PLEKHJ1: variants seen among roughly 807,000 people sequenced by gnomAD.
The protein encoded by PLEKHJ1 is pleckstrin homology domain-containing family J member 1.
A neutral mutation model predicts 21.7 loss-of-function variants in PLEKHJ1; 20 were observed. The ratio of observed to expected loss-of-function variants is 0.92; its 90% CI spans 0.65 to 1.34. PLEKHJ1 has a LOEUF of 1.34. Ranked by LOEUF, PLEKHJ1 falls within the 40% of genes most tolerant of loss-of-function variation. The pLI is 0.00. For missense variants in PLEKHJ1, 241 were observed against 202.0 expected (o/e 1.19, Z -1.17); for synonymous variants, 113 against 80.6 (o/e 1.40, Z -2.15).
chr19:2,236,236 C>T lies in PLEKHJ1; in HGVS notation c.13G>A (p.Glu5Lys), dbSNP rs942544836. The change falls in exon 1 of 6, where the codon GAG becomes AAG. Residue 5 changes from glutamate to lysine, a missense_variant. Transcript: ENST00000326631. MRYN[E>K]KELQALSRQP... ...CGGGACAGAGCCTGCAGCTCCTTCT[C>T]GTTGTACCGCATGGCTCCGCGGGGA... is the stretch of plus-strand genomic sequence containing the variant. The T allele has an allele frequency of 2.8e-6, 4 of 1,440,344 alleles. No individual in the cohort carries two copies. The highest frequency in any genetic ancestry group is 3.6e-6 in the Non-Finnish European group (4 of 1,101,212). 89.2% of individuals were successfully genotyped at this position (1,440,344 alleles called of 1,614,324 possible).
Position 2,235,822 on chromosome 19 carries a change from C to T in PLEKHJ1, c.169G>A (p.Gly57Arg). ...CTGCAGCGCTCCAGCAGCAGGGCTCCGACGGGCTGGAGGAGACACGGGCGC... is the reference window on the plus strand; with the variant it reads ...CTGCAGCGCTCCAGCAGCAGGGCTCTGACGGGCTGGAGGAGACACGGGCGC... ...YFRTDEAEPVGALLLERCRVV... is the reference protein window; with the variant it reads ...YFRTDEAEPVRALLLERCRVV... The change falls in exon 3 of 6, where the codon GGA becomes AGA. Residue 57 changes from glycine (G) to arginine (R), a missense_variant. Transcript: ENST00000326631. 1 of 1,554,976 alleles carries T rather than the reference C, an allele frequency of 6.4e-7. No individual in the cohort carries two copies. Among genetic ancestry groups the T allele is most frequent in the Non-Finnish European group, 8.7e-7 (1 of 1,149,720 alleles).
downstream of PLEKHJ1, chr19:2,230,913 C>T: frequency 3.4e-6 from 1 of 289,974 alleles, no homozygotes; most frequent in African/African-American, 2.1e-5. Context: ...TCCCTTGGAG[C>T]CTGTGCTGGT....
At chr19:2,229,991 A>G (rs1170412875), downstream of PLEKHJ1, 5 of 777,400 alleles carry the variant, frequency 6.4e-6, no homozygotes, top group Non-Finnish European at 1.0e-5. Context: ...GTTTTAGATA[A>G]AGTATTTATC....
At chr19:2,236,111 C>A in intron 1 of PLEKHJ1, 44 bp downstream of exon 1, 1 of 1,415,846 alleles carries the variant, frequency 7.1e-7, no homozygotes. Flanking sequence ...CCGGCCCCGG[C>A]CTCCCGCCCC....
chr19:2,230,183 C>T (rs921908172), downstream of PLEKHJ1: 170 of 469,002 alleles, frequency 3.6e-4, 1 homozygote, highest in East Asian at 4.4e-4. Flanking sequence ...CCCAGGCCCG[C>T]GCCTGCCTCC....
At position 2,233,988 on chromosome 19, in the gene PLEKHJ1, C is replaced by G. The variant is rs749903995; in HGVS notation, c.384+10G>C. 3.1e-6 allele frequency: 5 copies of G among 1,613,036 alleles called. No individual in the cohort carries two copies. The South Asian group carries it at 5.5e-5, about 18-fold the overall frequency. On this transcript the variant is annotated intron_variant, in intron 5 of 5. Transcript: ENST00000326631. ...AGCCCCACCCCGGCCCTCTGCAGCC[C>G]TGCACACACCTTGCCCGTCACCTTC...
downstream of PLEKHJ1, among the ~76,000 whole-genome samples, chr19:2,232,957 G>A (rs1033752424): frequency 4.1e-4 from 62 of 152,238 alleles, no homozygotes; most frequent in Admixed American, 5.2e-4. Context: ...GGTCACCACA[G>A]GATTCCTGAT....
rs755510810 is a variant in PLEKHJ1 at position 2,233,789 on chromosome 19, C to G, written c.*51G>C. The G allele has an allele frequency of 6.6e-7, 1 of 1,517,282 alleles. No homozygotes were observed. The highest frequency in any genetic ancestry group is 8.9e-7 in the Non-Finnish European group (1 of 1,122,112). 94.0% of individuals were successfully genotyped at this position (1,517,282 alleles called of 1,614,324 possible). A position where few individuals can be genotyped will look rare whatever the true frequency, so the allele number is the denominator to read the frequency against. On this transcript the variant is annotated 3_prime_UTR_variant, in exon 6 of 6. Transcript: ENST00000326631. ...CCAGGCATGGCCAAGCGATTCATGG[C>G]TGGGCAGGGCCAGTCCCGTCCCGCT...
In PLEKHJ1 at chr19:2,233,504, T is replaced by A; in HGVS notation, c.*336A>T. 5.4e-6 allele frequency: 2 copies of A among 369,646 alleles called. No individual in the cohort carries two copies. The highest frequency in any genetic ancestry group is 9.9e-5 in the South Asian group (2 of 20,136). 22.9% of individuals were successfully genotyped at this position (369,646 alleles called of 1,614,324 possible). Reference sequence around the variant, plus strand: ...GAGCGCAGCTTGCTGGGCAGTTTCATAAAATGCAGCCCCTGCCCACACCCA... The same window carrying A: ...GAGCGCAGCTTGCTGGGCAGTTTCAAAAAATGCAGCCCCTGCCCACACCCA... On this transcript the variant is annotated 3_prime_UTR_variant, in exon 6 of 6. Coordinates refer to ENST00000326631, the MANE Select transcript of PLEKHJ1 (RefSeq NM_018049.3).
At chr19:2,231,931 C>T (rs1011737574), downstream of PLEKHJ1, 1 of 216,186 alleles carries the variant, frequency 4.6e-6, no homozygotes, top group African/African-American at 2.3e-5. Flanking sequence ...CTCCTTGAGC[C>T]CACTGGGTCA....
downstream of PLEKHJ1, chr19:2,231,271 C>T (rs961797374): frequency 2.7e-5 from 6 of 224,772 alleles, no homozygotes; most frequent in East Asian, 6.4e-5. Context: ...GAGATGGCAT[C>T]GGGGAGCCCC....
rs2024686613 is a variant in PLEKHJ1, at chr19:2,233,669, G to A, written c.*171C>T. 2 of 618,474 alleles carry A rather than the reference G, an allele frequency of 3.2e-6. No homozygotes were observed. Among genetic ancestry groups the A allele is most frequent in the South Asian group, 4.1e-5 (2 of 48,618 alleles). The allele number at this position is 618,474 out of a possible 1,614,324, so 38.3% of individuals were successfully genotyped here. On this transcript the variant is annotated 3_prime_UTR_variant, in exon 6 of 6. Coordinates refer to ENST00000326631, the MANE Select transcript of PLEKHJ1 (RefSeq NM_018049.3). ...CAGGAGGATCACTTGAGTCCAGAAGGTCAAGGTCACAGTGAGCTGTGGCAC... is the reference window on the plus strand; with the variant it reads ...CAGGAGGATCACTTGAGTCCAGAAGATCAAGGTCACAGTGAGCTGTGGCAC...
chr19:2,230,130 C>T (rs2024534588), downstream of PLEKHJ1: 3 of 514,490 alleles, frequency 5.8e-6, no homozygotes, highest in South Asian at 6.1e-5. Flanking sequence ...CAGGGCGGGC[C>T]CGCCAGCGGA....
At chr19:2,234,482 G>A (rs559274850) in intron 3 of PLEKHJ1, 2 of 477,510 alleles carry the variant, frequency 4.2e-6, no homozygotes, top group African/African-American at 3.9e-5. Flanking sequence ...AGGCCAAGGT[G>A]GGAGGATTGC....
At chr19:2,230,923 T>G, downstream of PLEKHJ1, 1 of 278,724 alleles carries the variant, frequency 3.6e-6, no homozygotes, top group Non-Finnish European at 6.7e-6. Context: ...CCTGTGCTGG[T>G]TCTCCCAGCT....
In PLEKHJ1 at chr19:2,236,133, C is replaced by T. The variant is rs1342230408; in HGVS notation, c.94+22G>A. The T allele has an allele frequency of 9.6e-6, 14 of 1,463,438 alleles. No individual in the cohort carries two copies. In the South Asian group the frequency reaches 1.8e-4, roughly 18 times the overall value. The allele number at this position is 1,463,438 out of a possible 1,614,324, so 90.7% of individuals were successfully genotyped here. ...CGGCCTCCCGCCCCTGGCACTGTCTCGGTCTCCCGGGTCCCGCTCACCGCT... is the reference window on the plus strand; with the variant it reads ...CGGCCTCCCGCCCCTGGCACTGTCTTGGTCTCCCGGGTCCCGCTCACCGCT... On this transcript the variant is annotated intron_variant, in intron 1 of 5. Transcript: ENST00000326631.
chr19:2,233,922 T>G lies in PLEKHJ1; in HGVS notation c.385-17A>C. The G allele has an allele frequency of 6.2e-7, 1 of 1,612,530 alleles. No individual in the cohort carries two copies. Among genetic ancestry groups the G allele is most frequent in the Non-Finnish European group, 8.5e-7 (1 of 1,179,766 alleles). ...CAGGGGGTCCTGTGGGGAGGACGGG[T>G]GGCCATGAGCCAGGGCTGGAGGACT... On this transcript the variant is annotated splice_polypyrimidine_tract_variant and intron_variant, in intron 5 of 5. Transcript: ENST00000326631.
rs778090233 is a variant in PLEKHJ1, at chr19:2,234,080, C to G, written c.321-19G>C. ...CTCGTAGCTGGGGAAAAGGGTGGCA[C>G]GGGGTCAAATGCCCGCTCTGCATGG... On this transcript the variant is annotated intron_variant, in intron 4 of 5. Coordinates refer to ENST00000326631, the MANE Select transcript of PLEKHJ1 (RefSeq NM_018049.3). The G allele has an allele frequency of 3.1e-6, 5 of 1,613,376 alleles. No individual in the cohort carries two copies. The highest frequency in any genetic ancestry group is 4.2e-6 in the Non-Finnish European group (5 of 1,179,984).
chr19:2,235,427 A>G, intron 3 of PLEKHJ1: 1 of 294,146 alleles, frequency 3.4e-6, no homozygotes, highest in Non-Finnish European at 6.3e-6. Context: ...GGGGCCATAT[A>G]ACAATGCTAG....
Sources: allele counts gnomAD v4.1 joint callset (sites outside exome capture counted in the v4.1 genomes callset), GRCh38; gene constraint gnomAD v4.1.1; transcripts MANE v1.5; gene names NCBI Gene and HGNC (gene_info 2026-07-23, HGNC 2026-07-21).